The following PLPBP variants were observed in gnomAD, a reference collection of about 807,000 sequenced individuals.
PLPBP encodes the protein pyridoxal phosphate binding protein, also known as pyridoxal phosphate homeostasis protein.
PLPBP carries 21 observed loss-of-function variants against 31.2 expected under a neutral mutation model. That is an observed-to-expected ratio of 0.67 (90% confidence interval 0.48 to 0.97). The LOEUF (loss-of-function observed/expected upper bound fraction) is 0.97, where lower values mean the gene tolerates loss of function less well. PLPBP is among the 50% of genes least tolerant of loss of function. PLPBP has a pLI of 0.00. For missense variants in PLPBP, 308 were observed against 354.4 expected, an observed-to-expected ratio of 0.87 and a Z score of 1.05; for synonymous variants, 124 against 135.6, an observed-to-expected ratio of 0.91 and a Z score of 0.59.
intron 7 of PLPBP, among the ~76,000 whole-genome samples, 174 bp from the exon 8 acceptor site, chr8:37,777,799 C>T (rs1803953713): frequency 6.6e-6 from 1 of 152,188 alleles, no homozygotes; most frequent in African/African-American, 2.4e-5. Flanking sequence ...TCTCAAACCC[C>T]TGATCTCGTG....
At position 37,778,930 on chromosome 8, in the gene PLPBP, A is replaced by AAAG. The variant is rs1329591240; in HGVS notation, c.*828_*829insGAA. ...GTACTCCTGCCTTAAAAAAAAAAAA[A>AAAG]AAATCCCAATAGTCCATGAAGGCTT... On this transcript the variant is annotated 3_prime_UTR_variant, in exon 8 of 8. Transcript: ENST00000328195. 6.6e-5 allele frequency: 10 copies of AAAG among 152,094 alleles called. No individual in the cohort carries two copies. The highest frequency in any genetic ancestry group is 2.4e-4 in the African/African-American group (10 of 41,400). The allele number at this position is 152,094 out of a possible 1,614,324, so 9.4% of individuals were successfully genotyped here.
In PLPBP at chr8:37,762,669, G is replaced by T; in HGVS notation, c.10G>T (p.Ala4Ser). MWR[A>S]GSMSAELGVG... ...CGTCGGTCCCCGGGGGATGTGGAGAGCTGGCAGCATGTCGGCCGAGCTGGG... is the reference window on the plus strand; with the variant it reads ...CGTCGGTCCCCGGGGGATGTGGAGATCTGGCAGCATGTCGGCCGAGCTGGG... Residue 4 changes from alanine (A) to serine (S), a missense_variant, in exon 1 of 8, where the codon GCT becomes TCT. This residue lies in a region of PLPBP where 120 missense variants were observed against 95.1 expected (regional missense o/e 1.26). Transcript: ENST00000328195. 1 of 1,583,618 alleles carries T rather than the reference G, an allele frequency of 6.3e-7. No homozygotes were observed. The highest frequency in any genetic ancestry group is 1.3e-5 in the African/African-American group (1 of 74,800).
chr8:37,766,909 G>C (rs927110942), intron 4 of PLPBP, among the ~76,000 whole-genome samples: 3 of 151,702 alleles, frequency 2.0e-5, no homozygotes, highest in Non-Finnish European at 4.4e-5. Context: ...GCTGAGCGTG[G>C]TGGTGCATGC....
chr8:37,765,401 A>T (rs148638215), intron 1 of PLPBP, 125 bp from the exon 2 acceptor site: 20 of 875,662 alleles, frequency 2.3e-5, no homozygotes, highest in Middle Eastern at 3.6e-4. Context: ...CAGTGTTGAA[A>T]AAATGGATCT....
At chr8:37,770,271 A>G (rs960599769) in intron 4 of PLPBP, among the ~76,000 whole-genome samples, 2 of 152,224 alleles carry the variant, frequency 1.3e-5, no homozygotes, top group Admixed American at 1.3e-4. Context: ...AAACTAGCAT[A>G]AAAACAGACA....
intron 1 of PLPBP, among the ~76,000 whole-genome samples, chr8:37,765,164 G>A (rs1246613913): frequency 1.3e-5 from 2 of 152,164 alleles, no homozygotes; most frequent in African/African-American, 4.8e-5. Context: ...GGCAACAAGA[G>A]TGAAACTCTG....
chr8:37,765,827 G>A, intron 3 of PLPBP, 81 bp downstream of exon 3: 8 of 1,485,928 alleles, frequency 5.4e-6, no homozygotes, highest in Non-Finnish European at 7.4e-6. Context: ...TGGTGGTTGA[G>A]TTGTACAGCA....
chr8:37,773,385 C>G (rs151261246), intron 5 of PLPBP, among the ~76,000 whole-genome samples: 23 of 151,550 alleles, frequency 1.5e-4, no homozygotes, highest in African/African-American at 5.6e-4. Flanking sequence ...CCAGACTGCT[C>G]TCGAGCTCAT....
rs570861408 is a variant in PLPBP at position 37,771,834 on chromosome 8, C to T, written c.320-921C>T. ...AATTAGTGAGGTGTAGTGGTGGGTG[C>T]CTGTAATCTCAGCTACTTGGGAGGC... On this transcript the variant is annotated intron_variant, in intron 4 of 7. Transcript: ENST00000328195. Among the ~76,000 whole-genome samples the T allele has an allele frequency of 1.3e-3, 193 of 152,134 alleles. 1 individual carries two copies. The highest frequency in any genetic ancestry group is 4.3e-3 in the African/African-American group (180 of 41,554).
chr8:37,776,310 T>C lies in PLPBP; in HGVS notation c.696+294T>C, dbSNP rs568912477. 8.3e-4 allele frequency among the ~76,000 whole-genome samples: 126 copies of C among 151,680 alleles called. 2 individuals carry two copies. The highest frequency in any genetic ancestry group is 2.9e-3 in the African/African-American group (119 of 41,412). On this transcript the variant is annotated intron_variant, in intron 7 of 7. Coordinates refer to ENST00000328195, the MANE Select transcript of PLPBP (RefSeq NM_007198.4). ...GACCAACATGGTGAAACCCCGTCTCTCCTAAAAATACAAAAATTAGCTGGG... is the reference window on the plus strand; with the variant it reads ...GACCAACATGGTGAAACCCCGTCTCCCCTAAAAATACAAAAATTAGCTGGG...
Position 37,775,961 on chromosome 8 carries a change from TC to T in PLPBP, c.644del (p.Pro215LeufsTer7), listed in dbSNP as rs772465285. On this transcript the variant is annotated frameshift_variant, in exon 7 of 8. Coordinates refer to ENST00000328195, the MANE Select transcript of PLPBP (RefSeq NM_007198.4). LOFTEE classifies it high-confidence loss of function. ...GAGGAGCTGTGTAAAAAGCTGAACATCCCTGCTGACCAGGTTGAGCTGAGCA... is the reference window on the plus strand; with the variant it reads ...GAGGAGCTGTGTAAAAAGCTGAACATCCTGCTGACCAGGTTGAGCTGAGCA... ...LREELCKKLN[I>X]PADQVELSMG... is the part of the protein sequence containing the mutation. The T allele has an allele frequency of 6.2e-7, 1 of 1,614,008 alleles. No homozygotes were observed. Among genetic ancestry groups the T allele is most frequent in the Non-Finnish European group, 8.5e-7 (1 of 1,179,956 alleles).
intron 5 of PLPBP, 150 bp downstream of exon 5, chr8:37,773,039 C>A (rs1803815810): frequency 2.1e-6 from 2 of 959,546 alleles, no homozygotes; most frequent in Non-Finnish European, 3.1e-6. Context: ...TATGTGTGAT[C>A]TAGGTAGCAT....
chr8:37,763,648 A>G (rs1803542908), intron 1 of PLPBP, among the ~76,000 whole-genome samples: 1 of 151,280 alleles, frequency 6.6e-6, no homozygotes, highest in Non-Finnish European at 1.5e-5. Flanking sequence ...AATAAACATC[A>G]CCTTGGAGGT....
intron 4 of PLPBP, among the ~76,000 whole-genome samples, chr8:37,770,975 C>A (rs551570088): frequency 6.6e-6 from 1 of 152,236 alleles, no homozygotes; most frequent in East Asian, 1.9e-4. Flanking sequence ...TGTTTTAGTG[C>A]CATTTTCCCT....
Position 37,779,420 on chromosome 8 carries a change from C to T in PLPBP, c.*1316C>T. ...CAGCTTCCCCACTGTATTTACAAGCCAGAATTGTGCAACTCTTCTGGATCA... is the reference window on the plus strand; with the variant it reads ...CAGCTTCCCCACTGTATTTACAAGCTAGAATTGTGCAACTCTTCTGGATCA... On this transcript the variant is annotated 3_prime_UTR_variant, in exon 8 of 8. Coordinates refer to ENST00000328195, the MANE Select transcript of PLPBP (RefSeq NM_007198.4). 1 of 152,102 alleles carries T rather than the reference C, an allele frequency of 6.6e-6. No individual in the cohort carries two copies. The highest frequency in any genetic ancestry group is 6.6e-5 in the Admixed American group (1 of 15,262). 9.4% of individuals were successfully genotyped at this position (152,102 alleles called of 1,614,324 possible). A position where few individuals can be genotyped will look rare whatever the true frequency, so the allele number is the denominator to read the frequency against.
chr8:37,764,071 C>CTTTTTT (rs111913973), intron 1 of PLPBP, among the ~76,000 whole-genome samples: 16 of 126,870 alleles, frequency 1.3e-4, no homozygotes, highest in Non-Finnish European at 1.5e-4. Flanking sequence ...TCTTTTCTTT[C>CTTTTTT]TTTTTTTTTT....
Position 37,778,398 on chromosome 8 carries a change from C to G in PLPBP, c.*294C>G, listed in dbSNP as rs1378423409. 2 of 177,986 alleles carry G rather than the reference C, an allele frequency of 1.1e-5. No individual in the cohort carries two copies. The highest frequency in any genetic ancestry group is 2.4e-5 in the Non-Finnish European group (2 of 84,800). The allele number at this position is 177,986 out of a possible 1,614,324, so 11.0% of individuals were successfully genotyped here. A position where few individuals can be genotyped will look rare whatever the true frequency, so the allele number is the denominator to read the frequency against. Reference sequence around the variant, plus strand: ...GGAGCATGAACTGATCCATGAATGCCTTTTCCAGGTTAAAATTTGGTCACT... The same window carrying G: ...GGAGCATGAACTGATCCATGAATGCGTTTTCCAGGTTAAAATTTGGTCACT... On this transcript the variant is annotated 3_prime_UTR_variant, in exon 8 of 8. Coordinates refer to ENST00000328195, the MANE Select transcript of PLPBP (RefSeq NM_007198.4).
At chr8:37,766,143 G>A (rs537128473) in intron 3 of PLPBP, 137 bp from the exon 4 acceptor site, 53 of 682,458 alleles carry the variant, frequency 7.8e-5, no homozygotes, top group African/African-American at 7.8e-4. Context: ...TTAGGAGGCC[G>A]GGTGAAGATT....
intron 4 of PLPBP, 169 bp downstream of exon 4, chr8:37,766,524 G>T: frequency 7.9e-7 from 1 of 1,261,448 alleles, no homozygotes; most frequent in Non-Finnish European, 1.0e-6. Context: ...ATCATGCCAA[G>T]AACAGAATGA....
Sources: gnomAD v4.1 joint callset for allele counts (sites outside exome capture counted in the v4.1 genomes callset) on GRCh38, gnomAD v4.1.1 for gene constraint, gnomAD v4.1.1 regional missense constraint, MANE v1.5 for transcripts, NCBI Gene and HGNC (gene_info 2026-07-23, HGNC 2026-07-21) for gene names.